Variants in UNC13A observed in about 807,000 individuals in gnomAD.
The protein encoded by UNC13A is protein unc-13 homolog A.
A neutral mutation model predicts 219.7 loss-of-function variants in UNC13A; 61 were observed. The ratio of observed to expected loss-of-function variants is 0.28; its 90% CI spans 0.23 to 0.34. The LOEUF (loss-of-function observed/expected upper bound fraction) is 0.34. UNC13A is among the 10% of genes least tolerant of loss of function. The pLI is 1.00. For missense variants in UNC13A, 1,476 were observed against 2,270.3 expected, an observed-to-expected ratio of 0.65 and a Z score of 7.11; for synonymous variants, 920 against 884.6, an observed-to-expected ratio of 1.04 and a Z score of -0.71.
In UNC13A at chr19:17,647,347, C is replaced by T. The variant is rs765258335; in HGVS notation, c.1962G>A (p.Thr654=). Residue 654 remains threonine, a synonymous_variant, in exon 17 of 44, where the codon ACG becomes ACA. Transcript: ENST00000519716. ...CCGCCTTCATCTGCTGCGTGTGCGC[C>T]GTCTTGGTCACCGCGAAGATCTCCT... is the stretch of plus-strand genomic sequence containing the variant. ...LIQEIFAVTK[T]AHTQQMKAVK... 1.9e-6 allele frequency: 3 copies of T among 1,613,180 alleles called. No homozygotes were observed. Among genetic ancestry groups the T allele is most frequent in the East Asian group, 2.2e-5 (1 of 44,860 alleles).
intron 21 of UNC13A, among the ~76,000 whole-genome samples, chr19:17,641,178 C>A (rs2076965115): frequency 6.6e-6 from 1 of 152,112 alleles, no homozygotes; most frequent in Non-Finnish European, 1.5e-5. Flanking sequence ...CTGTGCCCAG[C>A]CTCTATCTCT....
chr19:17,631,502 C>T (rs532682149), intron 28 of UNC13A, among the ~76,000 whole-genome samples: 35 of 151,922 alleles, frequency 2.3e-4, no homozygotes, highest in Admixed American at 9.8e-4. Context: ...GTTGGGATTA[C>T]AGGAATGAGC....
intron 26 of UNC13A, among the ~76,000 whole-genome samples, chr19:17,633,692 T>C (rs913261907): frequency 1.3e-5 from 2 of 151,876 alleles, no homozygotes; most frequent in Non-Finnish European, 2.9e-5. Context: ...CACCTACTTA[T>C]GCAACTATCC....
At chr19:17,652,739 C>T (rs1479572224) in intron 11 of UNC13A, 62 bp from the exon 12 acceptor site, 1 of 1,596,834 alleles carries the variant, frequency 6.3e-7, no homozygotes, top group Non-Finnish European at 8.6e-7. Context: ...AGAGCAGGCT[C>T]CACACCCACT....
intron 20 of UNC13A, 30 bp from the exon 21 acceptor site, chr19:17,641,586 A>G (rs1272439066): frequency 6.2e-7 from 1 of 1,611,912 alleles, no homozygotes; most frequent in East Asian, 2.2e-5. Context: ...AGTGTCATGG[A>G]GAGTGCAAGG....
At chr19:17,680,571 T>A (rs2079988179) in intron 1 of UNC13A, among the ~76,000 whole-genome samples, 1 of 151,824 alleles carries the variant, frequency 6.6e-6, no homozygotes, top group African/African-American at 2.4e-5. Context: ...GAGGCAGGAG[T>A]TCAGGCTGCG....
At chr19:17,677,352 CTTTTCTTTTTTT>C (rs151250420) in intron 1 of UNC13A, among the ~76,000 whole-genome samples, 49,439 of 146,600 alleles carry the variant, frequency 0.34, 10,040 homozygotes, top group African/African-American at 0.58. Context: ...TCCTTTCTTT[CTTTTCTTTTTTT>C]TTTTCTTTTT....
Position 17,670,942 on chromosome 19 carries a change from A to ATAAAATAAAATAAAAT in UNC13A, c.271-1282_271-1267dup, listed in dbSNP as rs1555698002. ...ATAAAATAAAATAAAATAAAATAAA[A>ATAAAATAAAATAAAAT]TAAAATAAAATAAAATAAAATGACA... On this transcript the variant is annotated intron_variant, in intron 4 of 43. Coordinates refer to ENST00000519716, the MANE Select transcript of UNC13A (RefSeq NM_001080421.3). Among the ~76,000 whole-genome samples the ATAAAATAAAATAAAAT allele has an allele frequency of 7.8e-4, 118 of 151,152 alleles. 1 individual carries two copies. Among genetic ancestry groups the ATAAAATAAAATAAAAT allele is most frequent in the South Asian group, 6.3e-3 (30 of 4,788 alleles).
chr19:17,666,767 A>G (rs1473126361), intron 6 of UNC13A, 63 bp from the exon 7 acceptor site: 1 of 1,351,834 alleles, frequency 7.4e-7, no homozygotes, highest in Non-Finnish European at 9.8e-7. Context: ...GGGGACCAGG[A>G]TAGTCCTCTG....
At chr19:17,616,948 G>C (rs1568502418) in intron 41 of UNC13A, among the ~76,000 whole-genome samples, 1 of 152,158 alleles carries the variant, frequency 6.6e-6, no homozygotes, top group Non-Finnish European at 1.5e-5. Context: ...CCCAGCTGCC[G>C]TGTGTGTGCG....
rs1467409387 is a variant in UNC13A at position 17,655,254 on chromosome 19, T to C, written c.1392+20A>G. 2 of 1,547,026 alleles carry C rather than the reference T, an allele frequency of 1.3e-6. No individual in the cohort carries two copies. The highest frequency in any genetic ancestry group is 1.7e-6 in the Non-Finnish European group (2 of 1,146,978). On this transcript the variant is annotated intron_variant, in intron 11 of 43. Coordinates refer to ENST00000519716, the MANE Select transcript of UNC13A (RefSeq NM_001080421.3). ...GGCCTGGCTAAGTGTGGCAGGGGCA[T>C]GGCTGGGCGTGTCACTCACCTCCTG...
chr19:17,634,592 G>A (rs111244698), intron 26 of UNC13A, among the ~76,000 whole-genome samples: 5,937 of 152,102 alleles, frequency 0.039, 136 homozygotes, highest in African/African-American at 0.055. Flanking sequence ...CTCCCGCCTC[G>A]GCCTCCCAAA....
intron 19 of UNC13A, among the ~76,000 whole-genome samples, chr19:17,644,256 A>AG (rs2077000433): frequency 1.4e-5 from 2 of 147,830 alleles, no homozygotes; most frequent in African/African-American, 5.0e-5. Flanking sequence ...TGGCATGATC[A>AG]TAGCTCACTG....
chr19:17,629,411 TGATGAACCCAAACCCTATTAGGACCTAA>T, intron 30 of UNC13A, 88 bp from the exon 31 acceptor site: 3 of 1,227,708 alleles, frequency 2.4e-6, no homozygotes, highest in Non-Finnish European at 3.5e-6. Context: ...GTGAGATCAG[TGATGAACCCAAACCCTATTAGGACCTAA>T]GATGGGCCTT....
At chr19:17,686,081 C>T (rs2080102867) in intron 1 of UNC13A, among the ~76,000 whole-genome samples, 1 of 151,806 alleles carries the variant, frequency 6.6e-6, no homozygotes, top group South Asian at 2.1e-4. Flanking sequence ...GGCCTTACCT[C>T]CCACCCCTGT....
chr19:17,608,383 A>AAT (rs35540356), intron 43 of UNC13A, among the ~76,000 whole-genome samples: 39 of 124,140 alleles, frequency 3.1e-4, no homozygotes, highest in African/African-American at 8.0e-4. Context: ...TATGTATATA[A>AAT]ATATATATAT....
At chr19:17,624,982 GCC>G in intron 34 of UNC13A, 30 bp from the exon 35 acceptor site, 1 of 1,600,170 alleles carries the variant, frequency 6.2e-7, no homozygotes, top group South Asian at 1.1e-5. Flanking sequence ...CTGAGAGAGG[GCC>G]CAGCTCGCCC....
intron 42 of UNC13A, among the ~76,000 whole-genome samples, chr19:17,610,337 G>A (rs1042296876): frequency 2.0e-5 from 3 of 152,064 alleles, no homozygotes; most frequent in African/African-American, 7.2e-5. Context: ...GTGGTGGCAC[G>A]CGCCTGTAGT....
chr19:17,616,355 C>T, intron 41 of UNC13A: 1 of 682,204 alleles, frequency 1.5e-6, no homozygotes, highest in Non-Finnish European at 2.7e-6. Context: ...CCAGGAGGGG[C>T]GCAGGCACCG....
Sources: allele counts gnomAD v4.1 joint callset (sites outside exome capture counted in the v4.1 genomes callset), GRCh38; gene constraint gnomAD v4.1.1; transcripts MANE v1.5; gene names NCBI Gene and HGNC (gene_info 2026-07-23, HGNC 2026-07-21).